Variants in GMDS observed in about 807,000 individuals in gnomAD.
GMDS encodes the protein GDP-mannose 4,6 dehydratase.
Under a neutral mutation model 49.9 loss-of-function variants are expected in GMDS, and 20 were observed. The ratio of observed to expected loss-of-function variants is 0.40; its 90% CI spans 0.28 to 0.58. The LOEUF is 0.58. GMDS is among the 20% of genes least tolerant of loss of function. The pLI is 0.42. For missense variants in GMDS, 362 were observed against 481.4 expected (o/e 0.75, Z 2.32); for synonymous variants, 177 against 178.6 (o/e 0.99, Z 0.07).
At chr6:1,844,823 A>G (rs573536266) in intron 7 of GMDS, among the ~76,000 whole-genome samples, 1 of 152,382 alleles carries the variant, frequency 6.6e-6, no homozygotes, top group East Asian at 1.9e-4. Context: ...TAAATAGGTT[A>G]GCTTCTTTCT....
intron 4 of GMDS, among the ~76,000 whole-genome samples, chr6:1,972,552 G>C (rs936848800): frequency 6.6e-6 from 1 of 151,912 alleles, no homozygotes; most frequent in East Asian, 1.9e-4. Context: ...GGATTCACAG[G>C]GTCCATGGAT....
intron 4 of GMDS, among the ~76,000 whole-genome samples, chr6:2,089,486 G>C (rs1363604993): frequency 6.6e-6 from 1 of 151,998 alleles, no homozygotes; most frequent in Non-Finnish European, 1.5e-5. Flanking sequence ...AGTTGAAGAA[G>C]GGAGAATAGA....
At chr6:2,230,843 CTATG>C (rs1781055493) in intron 1 of GMDS, among the ~76,000 whole-genome samples, 1 of 150,894 alleles carries the variant, frequency 6.6e-6, no homozygotes, top group Non-Finnish European at 1.5e-5. Flanking sequence ...CAAAAATCTA[CTATG>C]TATTATTACT....
chr6:1,770,016 G>A (rs549940885), intron 7 of GMDS, among the ~76,000 whole-genome samples: 12 of 152,262 alleles, frequency 7.9e-5, no homozygotes, highest in South Asian at 2.1e-4. Context: ...GTGAGCCACC[G>A]CACCCAGCCT....
intron 4 of GMDS, among the ~76,000 whole-genome samples, chr6:2,057,974 C>T (rs926363932): frequency 1.1e-4 from 17 of 152,180 alleles, no homozygotes; most frequent in African/African-American, 3.6e-4. Context: ...AGAGGCACTT[C>T]GGGGTACACC....
intron 1 of GMDS, among the ~76,000 whole-genome samples, chr6:2,126,911 C>T (rs566539188): frequency 4.6e-5 from 7 of 152,268 alleles, no homozygotes; most frequent in East Asian, 1.9e-4. Context: ...GAGATTCAGG[C>T]GTTAGCCACC....
intron 4 of GMDS, among the ~76,000 whole-genome samples, chr6:2,071,626 C>G (rs1407925818): frequency 6.6e-6 from 1 of 151,150 alleles, no homozygotes. Context: ...GCATCTTCCT[C>G]AACATTTAAC....
intron 8 of GMDS, among the ~76,000 whole-genome samples, chr6:1,741,963 C>T (rs1444940844): frequency 6.6e-6 from 1 of 150,926 alleles, no homozygotes; most frequent in Non-Finnish European, 1.5e-5. Context: ...GCTCTTTCAC[C>T]CAGGCTGGAG....
chr6:1,858,302 C>A (rs3800100), intron 7 of GMDS, among the ~76,000 whole-genome samples: 74,808 of 152,062 alleles, frequency 0.49, 21,529 homozygotes, highest in Non-Finnish European at 0.63. Context: ...GGTTAACAAT[C>A]GCTATTTTTA....
At chr6:2,162,696 A>T (rs1171192525) in intron 1 of GMDS, among the ~76,000 whole-genome samples, 1 of 141,140 alleles carries the variant, frequency 7.1e-6, no homozygotes, top group African/African-American at 3.1e-5. Flanking sequence ...ACACACACAC[A>T]CACACACACA....
At chr6:2,170,482 A>G (rs900369738) in intron 1 of GMDS, among the ~76,000 whole-genome samples, 28 of 151,922 alleles carry the variant, frequency 1.8e-4, no homozygotes, top group African/African-American at 6.0e-4. Context: ...TAAAAATTAG[A>G]TGGGCATAGT....
At chr6:2,244,917 ACAT>A (rs1343363241) in intron 1 of GMDS, among the ~76,000 whole-genome samples, 1 of 152,166 alleles carries the variant, frequency 6.6e-6, no homozygotes, top group Non-Finnish European at 1.5e-5. Context: ...GAGCCGAGAC[ACAT>A]CAAGAAGACC....
At chr6:2,140,081 C>T (rs1008525829) in intron 1 of GMDS, among the ~76,000 whole-genome samples, 4 of 152,160 alleles carry the variant, frequency 2.6e-5, no homozygotes, top group Non-Finnish European at 5.9e-5. Flanking sequence ...CACATCCTCA[C>T]CACTGAAATC....
intron 7 of GMDS, among the ~76,000 whole-genome samples, chr6:1,808,445 G>A (rs2113674252): frequency 6.6e-6 from 1 of 152,250 alleles, no homozygotes; most frequent in East Asian, 1.9e-4. Flanking sequence ...AATGGCTACG[G>A]TGCGGTTAAA....
At chr6:2,033,753 A>G (rs1472491751) in intron 4 of GMDS, among the ~76,000 whole-genome samples, 1 of 152,190 alleles carries the variant, frequency 6.6e-6, no homozygotes, top group African/African-American at 2.4e-5. Flanking sequence ...TGCACAAAGA[A>G]TCACTGGAGG....
intron 1 of GMDS, among the ~76,000 whole-genome samples, chr6:2,171,349 C>A (rs1777998107): frequency 6.6e-6 from 1 of 152,158 alleles, no homozygotes; most frequent in South Asian, 2.1e-4. Context: ...TCTGCTATAA[C>A]AAAATACCAT....
At chr6:1,946,100 T>A (rs1032520692) in intron 6 of GMDS, among the ~76,000 whole-genome samples, 1 of 152,130 alleles carries the variant, frequency 6.6e-6, no homozygotes, top group Non-Finnish European at 1.5e-5. Context: ...TAATTAAATT[T>A]AGAATTTAGC....
At chr6:1,917,884 T>C (rs1175294932) in intron 7 of GMDS, among the ~76,000 whole-genome samples, 3 of 152,194 alleles carry the variant, frequency 2.0e-5, no homozygotes, top group Non-Finnish European at 4.4e-5. Flanking sequence ...AACAGGGATA[T>C]GTCGTCTGAG....
At chr6:1,990,094 AG>A (rs1322548934) in intron 4 of GMDS, among the ~76,000 whole-genome samples, 1 of 152,216 alleles carries the variant, frequency 6.6e-6, no homozygotes, top group African/African-American at 2.4e-5. Flanking sequence ...CAGGAGATCG[AG>A]ACCATCTTGG....
Sources: gnomAD v4.1 joint callset for allele counts (sites outside exome capture counted in the v4.1 genomes callset) on GRCh38, gnomAD v4.1.1 for gene constraint, MANE v1.5 for transcripts, NCBI Gene and HGNC (gene_info 2026-07-23, HGNC 2026-07-21) for gene names.